The following TUBGCP6 variants were observed in gnomAD, a reference collection of about 807,000 sequenced individuals.
TUBGCP6 encodes the protein tubulin gamma complex component 6.
Under a neutral mutation model 175.8 loss-of-function variants are expected in TUBGCP6, and 161 were observed. The ratio of observed to expected loss-of-function variants is 0.92; its 90% CI spans 0.81 to 1.04. The LOEUF (loss-of-function observed/expected upper bound fraction) is 1.04, where lower values mean the gene tolerates loss of function less well. Among genes scored for constraint, TUBGCP6 ranks in the 50% least tolerant of loss-of-function variants. The probability of loss-of-function intolerance (pLI) is 0.00; values close to 1 mark genes in which losing one functional copy is unlikely to be tolerated. For missense variants in TUBGCP6, 2,572 were observed against 2,433.0 expected (o/e 1.06, Z -1.20); for synonymous variants, 1,173 against 1,030.5 (o/e 1.14, Z -2.65).
At chr22:50,239,366 G>A (rs987502282) in intron 2 of TUBGCP6, among the ~76,000 whole-genome samples, 7 of 152,060 alleles carry the variant, frequency 4.6e-5, no homozygotes, top group African/African-American at 1.4e-4. Context: ...TAGTAGAGAC[G>A]GGGTTTCACC....
Position 50,217,959 on chromosome 22 carries a change from G to A in TUBGCP6, c.5327C>T (p.Ser1776Phe), listed in dbSNP as rs374204240. The change falls in exon 24 of 25, where the codon TCC becomes TTC. Residue 1776 changes from serine (S) to phenylalanine (F), a missense_variant. Coordinates refer to ENST00000248846, the MANE Select transcript of TUBGCP6 (RefSeq NM_020461.4). ...EHPNFALMQQ[S>F]YNTFKYYSHF... is the part of the protein sequence containing the mutation. The stretch of plus-strand genomic sequence containing the variant: ...GGAGTAGTACTTGAAGGTGTTGTAG[G>A]ACTGCTGCATGAGTGCAAAGTTGGG... 1.9e-6 allele frequency: 3 copies of A among 1,610,676 alleles called. No homozygotes were observed. Among genetic ancestry groups the A allele is most frequent in the Admixed American group, 3.4e-5 (2 of 59,462 alleles).
rs374204240 is a variant in TUBGCP6, at chr22:50,217,959, G to C, written c.5327C>G (p.Ser1776Cys). The change falls in exon 24 of 25, where the codon TCC (serine) becomes TGC (cysteine). Residue 1776 changes from serine to cysteine, a missense_variant. Transcript: ENST00000248846. Reference protein sequence around the residue: ...EHPNFALMQQSYNTFKYYSHF... With the variant: ...EHPNFALMQQCYNTFKYYSHF... ...GGAGTAGTACTTGAAGGTGTTGTAG[G>C]ACTGCTGCATGAGTGCAAAGTTGGG... The C allele has an allele frequency of 1.3e-4, 204 of 1,610,674 alleles. 1 individual carries two copies. The South Asian group carries it at 2.0e-3, about 16-fold the overall frequency.
intron 1 of TUBGCP6, among the ~76,000 whole-genome samples, chr22:50,241,878 TTCTA>T (rs2064843324): frequency 6.6e-6 from 1 of 151,290 alleles, no homozygotes; most frequent in African/African-American, 2.4e-5. Context: ...CTGTTTTTTC[TTCTA>T]TCTCTGTCTT....
At position 50,217,741 on chromosome 22, in the gene TUBGCP6, C is replaced by A. The variant is rs148008115; in HGVS notation, c.5455G>T (p.Ala1819Ser). The change falls in exon 25 of 25, where the codon GCC becomes TCC. Residue 1819 changes from alanine (A) to serine (S), a missense_variant. By Grantham distance (99) the Ala-to-Ser change is moderately conservative. Transcript: ENST00000248846. ...RINFNNYYQD[A>S] ...ACGTCCCCCGCAGAGCAGCCTCAGGCGTCCTGGTAGTAGTTGTTGAAGTTG... is the reference window on the plus strand; with the variant it reads ...ACGTCCCCCGCAGAGCAGCCTCAGGAGTCCTGGTAGTAGTTGTTGAAGTTG... 4 of 1,613,906 alleles carry A rather than the reference C, an allele frequency of 2.5e-6. No individual in the cohort carries two copies. The highest frequency in any genetic ancestry group is 2.2e-5 in the East Asian group (1 of 44,886).
chr22:50,233,090 T>C (rs1270046938), intron 3 of TUBGCP6, among the ~76,000 whole-genome samples: 5 of 152,244 alleles, frequency 3.3e-5, no homozygotes, highest in African/African-American at 7.2e-5. Context: ...GCAATAAACA[T>C]GTTATTTCTC....
chr22:50,219,191 C>T lies in TUBGCP6; in HGVS notation c.4503G>A (p.Lys1501=). 6.2e-7 allele frequency: 1 copy of T among 1,611,560 alleles called. No individual in the cohort carries two copies. Among genetic ancestry groups the T allele is most frequent in the Non-Finnish European group, 8.5e-7 (1 of 1,179,984 alleles). The change falls in exon 20 of 25, where the codon AAG becomes AAA. Residue 1501 remains lysine (K), a synonymous_variant. Coordinates refer to ENST00000248846, the MANE Select transcript of TUBGCP6 (RefSeq NM_020461.4). Reference sequence around the variant, plus strand: ...CCACGAAGAAGTAGTCGACAGCGGCCTTGTTCACCAAGGAGATGCTGGCAG... The same window carrying T: ...CCACGAAGAAGTAGTCGACAGCGGCTTTGTTCACCAAGGAGATGCTGGCAG... ...PLAAHISLVN[K]AAVDYFFVEL...
rs750207304 is a variant in TUBGCP6, at chr22:50,227,001, T to C, written c.1489A>G (p.Thr497Ala). Reference sequence around the variant, plus strand: ...CTCGGCAGGGACGCACAACTCACGGTGGGAAACGCGGCCCTGGGGCCTCCT... The same window carrying C: ...CTCGGCAGGGACGCACAACTCACGGCGGGAAACGCGGCCCTGGGGCCTCCT... ...CGGGPRAAFPTGVKLLSYLYQ... is the reference protein window; with the variant it reads ...CGGGPRAAFPAGVKLLSYLYQ... Residue 497 changes from threonine to alanine, a missense_variant and splice_region_variant, in exon 6 of 25, where the codon ACC becomes GCC. Transcript: ENST00000248846. The C allele has an allele frequency of 3.7e-6, 6 of 1,611,394 alleles. No individual in the cohort carries two copies. In the South Asian group the frequency reaches 5.5e-5, roughly 15 times the overall value.
At chr22:50,241,077 A>G (rs956560958) in intron 1 of TUBGCP6, among the ~76,000 whole-genome samples, 5 of 152,276 alleles carry the variant, frequency 3.3e-5, no homozygotes, top group African/African-American at 4.8e-5. Context: ...GTTACACTAT[A>G]GATCATAAAT....
Position 50,218,478 on chromosome 22 carries a change from G to C in TUBGCP6, c.4954+10C>G. The C allele has an allele frequency of 6.2e-7, 1 of 1,613,192 alleles. No individual in the cohort carries two copies. The highest frequency in any genetic ancestry group is 1.1e-5 in the South Asian group (1 of 91,078). ...GGGGTGCGGGGCGCCGGGCTCCAGC[G>C]GGGCCTCACCTGTGCGCTTGAGGTG... On this transcript the variant is annotated intron_variant, in intron 22 of 24. Transcript: ENST00000248846.
In TUBGCP6 at chr22:50,220,878, G is replaced by A; in HGVS notation, c.3481C>T (p.His1161Tyr). Residue 1161 changes from histidine to tyrosine, a missense_variant, in exon 16 of 25, where the codon CAT becomes TAT. Coordinates refer to ENST00000248846, the MANE Select transcript of TUBGCP6 (RefSeq NM_020461.4). ...ATGCTGGCATCGGACACGTGTCCAT[G>A]GGTGTTCCACCGTGGCCGGGTGGGA... ...VAPTRPRWNTHGHVSDASISL... is the reference protein window; with the variant it reads ...VAPTRPRWNTYGHVSDASISL... The A allele has an allele frequency of 6.2e-7, 1 of 1,612,736 alleles. No homozygotes were observed. Among genetic ancestry groups the A allele is most frequent in the South Asian group, 1.1e-5 (1 of 90,994 alleles).
intron 1 of TUBGCP6, among the ~76,000 whole-genome samples, chr22:50,242,356 G>A (rs1303986661): frequency 6.6e-6 from 1 of 152,040 alleles, no homozygotes; most frequent in Non-Finnish European, 1.5e-5. Flanking sequence ...AATTAGCTGT[G>A]TGTGGTGACG....
At chr22:50,240,667 A>T (rs112051266) in intron 1 of TUBGCP6, among the ~76,000 whole-genome samples, 29 of 152,308 alleles carry the variant, frequency 1.9e-4, no homozygotes, top group South Asian at 6.2e-4. Flanking sequence ...ACCCAGAATT[A>T]AAAAAATCAC....
rs2064461912 is a variant in TUBGCP6, at chr22:50,218,732, C to T, written c.4792G>A (p.Val1598Met). The change falls in exon 21 of 25, where the codon GTG (valine) becomes ATG (methionine). Residue 1598 changes from valine to methionine, a missense_variant. By Grantham distance (21) the Val-to-Met change is conservative. Coordinates refer to ENST00000248846, the MANE Select transcript of TUBGCP6 (RefSeq NM_020461.4). ...PEVFAPNAPD[V>M]LSCLELRYKV... Reference sequence around the variant, plus strand: ...TACCTGAGCTCCAGGCAGCTCAGCACATCCGGGGCGTTGGGGGCAAACACC... The same window carrying T: ...TACCTGAGCTCCAGGCAGCTCAGCATATCCGGGGCGTTGGGGGCAAACACC... 3 of 1,613,972 alleles carry T rather than the reference C, an allele frequency of 1.9e-6. No homozygotes were observed. The highest frequency in any genetic ancestry group is 2.5e-6 in the Non-Finnish European group (3 of 1,179,970).
rs1216108948 is a variant in TUBGCP6 at position 50,233,339 on chromosome 22, A to T, written c.1093T>A (p.Ser365Thr). ...DVLNVLIGVV[S>T]ATFSLCQPAQ... is the part of the protein sequence containing the mutation. ...ACCTGGCAGAGCGAAAACGTGGCAG[A>T]CACGACCCCAATCAAGACGTTCAGC... The change falls in exon 3 of 25, where the codon TCT (serine) becomes ACT (threonine). Residue 365 changes from serine to threonine, a missense_variant. Ser to Thr is a moderately conservative substitution (Grantham distance 58). Coordinates refer to ENST00000248846, the MANE Select transcript of TUBGCP6 (RefSeq NM_020461.4). 1 of 1,613,818 alleles carries T rather than the reference A, an allele frequency of 6.2e-7. No homozygotes were observed. The highest frequency in any genetic ancestry group is 8.5e-7 in the Non-Finnish European group (1 of 1,179,864).
chr22:50,244,295 T>C lies in TUBGCP6; in HGVS notation c.165A>G (p.Gln55=), dbSNP rs1013071188. The C allele has an allele frequency of 5.0e-6, 8 of 1,613,694 alleles. No individual in the cohort carries two copies. The highest frequency in any genetic ancestry group is 1.1e-5 in the South Asian group (1 of 91,082). The change falls in exon 1 of 25, where the codon CAA becomes CAG. Residue 55 remains glutamine, a synonymous_variant. Transcript: ENST00000248846. ...LFTNLFQDET[Q]QLQPDMSKLP... is the part of the protein sequence containing the mutation. Reference sequence around the variant, plus strand: ...GTTTTGACATGTCAGGCTGCAGCTGTTGAGTCTCATCTTGAAAAAGATTTG... The same window carrying C: ...GTTTTGACATGTCAGGCTGCAGCTGCTGAGTCTCATCTTGAAAAAGATTTG...
Position 50,233,448 on chromosome 22 carries a change from T to A in TUBGCP6, c.984A>T (p.Gln328His). ...CCCCAGCAAGCAGCTGGAGCTCCCC[T>A]TGGTGGAGCCTGCAGAACTTGTCGA... ...DAFDKFCRLHQGELQLLAGGV... is the reference protein window; with the variant it reads ...DAFDKFCRLHHGELQLLAGGV... The change falls in exon 3 of 25, where the codon CAA (glutamine) becomes CAT (histidine). Residue 328 changes from glutamine (Q) to histidine (H), a missense_variant. Coordinates refer to ENST00000248846, the MANE Select transcript of TUBGCP6 (RefSeq NM_020461.4). The A allele has an allele frequency of 6.2e-7, 1 of 1,613,460 alleles. No individual in the cohort carries two copies. Among genetic ancestry groups the A allele is most frequent in the Non-Finnish European group, 8.5e-7 (1 of 1,179,736 alleles).
intron 3 of TUBGCP6, among the ~76,000 whole-genome samples, chr22:50,232,013 G>C (rs896789850): frequency 2.6e-4 from 39 of 151,888 alleles, no homozygotes; most frequent in African/African-American, 4.6e-4. Context: ...TTGAGCCCAG[G>C]AGTTCAACAC....
intron 2 of TUBGCP6, 182 bp downstream of exon 2, chr22:50,240,022 C>T: frequency 1.2e-6 from 1 of 807,462 alleles, no homozygotes; most frequent in Middle Eastern, 3.7e-4. Flanking sequence ...GCTGTTAGTG[C>T]TTTCCCCTCT....
rs1222774232 is a variant in TUBGCP6 at position 50,244,087 on chromosome 22, C to T, written c.373G>A (p.Val125Ile). The change falls in exon 1 of 25, where the codon GTT (valine) becomes ATT (isoleucine). Residue 125 changes from valine (V) to isoleucine (I), a missense_variant. Coordinates refer to ENST00000248846, the MANE Select transcript of TUBGCP6 (RefSeq NM_020461.4). ...AAGTAGTCTCGTTTTCTCGGCAGAA[C>T]TTGAGGGGGACCACTCCCTGCCAGC... ...VQLAGSGPPQ[V>I]LPRKRDYFLN... is the part of the protein sequence containing the mutation. 1.9e-6 allele frequency: 3 copies of T among 1,613,928 alleles called. No individual in the cohort carries two copies. Among genetic ancestry groups the T allele is most frequent in the East Asian group, 2.2e-5 (1 of 44,874 alleles).
Sources: gnomAD v4.1 joint callset for allele counts (sites outside exome capture counted in the v4.1 genomes callset) on GRCh38, gnomAD v4.1.1 for gene constraint, MANE v1.5 for transcripts, NCBI Gene and HGNC (gene_info 2026-07-23, HGNC 2026-07-21) for gene names.